KIF13A: variants seen among roughly 807,000 people sequenced by gnomAD.
The protein encoded by KIF13A is kinesin family member 13A.
In KIF13A, 79 loss-of-function variants were observed where a neutral mutation model predicts 212.2. The observed-to-expected ratio is 0.37, with a 90% CI of 0.31 to 0.45. The LOEUF (loss-of-function observed/expected upper bound fraction) is 0.45. Among genes scored for constraint, KIF13A ranks in the 20% least tolerant of loss-of-function variants. The pLI is 1.00. For missense variants in KIF13A, 1,901 were observed against 2,209.0 expected (o/e 0.86, Z 2.79); for synonymous variants, 789 against 808.6 (o/e 0.98, Z 0.41).
intron 2 of KIF13A, among the ~76,000 whole-genome samples, chr6:17,908,621 G>A (rs1219241714): frequency 6.6e-6 from 1 of 151,174 alleles, no homozygotes; most frequent in Admixed American, 6.6e-5. Context: ...AAATTAAAAT[G>A]AACTCAAAAT....
chr6:17,779,982 G>A (rs1040474781), intron 31 of KIF13A, among the ~76,000 whole-genome samples: 4 of 151,172 alleles, frequency 2.6e-5, no homozygotes, highest in Admixed American at 1.3e-4. Flanking sequence ...TCCTGACCTC[G>A]TGATCCGCCC....
rs766660123 is a variant in KIF13A, at chr6:17,764,438, C to A, written c.5090G>T (p.Gly1697Val). The A allele has an allele frequency of 4.3e-6, 7 of 1,613,868 alleles. No homozygotes were observed. In the South Asian group the frequency reaches 6.6e-5, roughly 15 times the overall value. The change falls in exon 39 of 39, where the codon GGC becomes GTC. Residue 1697 changes from glycine to valine, a missense_variant. Gly to Val is a moderately radical substitution (Grantham distance 109). This residue lies in a region of KIF13A where 687 missense variants were observed against 759.1 expected (regional missense o/e 0.90). Coordinates refer to ENST00000259711, the MANE Select transcript of KIF13A (RefSeq NM_022113.6). This position sits in a 1 kb window ranked among gnomAD's most constrained non-coding sequence, Gnocchi z 5.1. ...GCAGGCATCTAGTTCTGAACATGAG[C>A]CAGTCCTGCACAGTGATTTGGAGTT... is the stretch of plus-strand genomic sequence containing the variant. ...EKNSKSLCRT[G>V]SCSELDACPS... is the part of the protein sequence containing the mutation.
chr6:17,983,946 C>G (rs955789957), intron 2 of KIF13A, among the ~76,000 whole-genome samples: 3 of 152,176 alleles, frequency 2.0e-5, no homozygotes, highest in Non-Finnish European at 4.4e-5. Context: ...TCCATAAGAC[C>G]ACACAAACAC....
intron 2 of KIF13A, among the ~76,000 whole-genome samples, chr6:17,948,557 C>CTTTTTTTTTTTTTTTTTTTTTTTTTTT (rs71002289): frequency 1.2e-5 from 1 of 84,148 alleles, no homozygotes; most frequent in Non-Finnish European, 2.1e-5. Flanking sequence ...CATCCATTTA[C>CTTTTTTTTTTTTTTTTTTTTTTTTTTT]TTTTTTTTTT....
intron 2 of KIF13A, among the ~76,000 whole-genome samples, chr6:17,975,459 C>T (rs971884297): frequency 6.6e-6 from 1 of 152,128 alleles, no homozygotes; most frequent in African/African-American, 2.4e-5. Context: ...AGTGAAGCTA[C>T]AGACCTTCAG....
At chr6:17,964,220 A>G (rs1779103529) in intron 2 of KIF13A, among the ~76,000 whole-genome samples, 1 of 152,180 alleles carries the variant, frequency 6.6e-6, no homozygotes, top group African/African-American at 2.4e-5. Flanking sequence ...CAGCTCCATC[A>G]ACTCTCTTCC....
intron 16 of KIF13A, among the ~76,000 whole-genome samples, chr6:17,818,919 T>C (rs1005629776): frequency 1.3e-5 from 2 of 152,162 alleles, no homozygotes; most frequent in African/African-American, 2.4e-5. Context: ...TGATATAAAA[T>C]TCTAAAATTC....
chr6:17,977,730 C>T (rs192713421), intron 2 of KIF13A, among the ~76,000 whole-genome samples: 3 of 152,246 alleles, frequency 2.0e-5, no homozygotes, highest in Admixed American at 1.3e-4. Context: ...ACTTTAAGTT[C>T]TAGGATACAT....
rs1776282691 is a variant in KIF13A, at chr6:17,934,466, A to G, written c.147-36286T>C. 6.6e-6 allele frequency among the ~76,000 whole-genome samples: 1 copy of G among 152,150 alleles called. No homozygotes were observed. Among genetic ancestry groups the G allele is most frequent in the East Asian group, 1.9e-4 (1 of 5,196 alleles). On this transcript the variant is annotated intron_variant, in intron 2 of 38. Transcript: ENST00000259711. This position sits in a 1 kb window ranked among gnomAD's most constrained non-coding sequence, Gnocchi z 5.4. ...CAGGTAGTATTCTAAAATCATAAAT[A>G]CAGAATCCCCAATAATATCATAATA...
At chr6:17,880,560 G>A (rs944825477) in intron 3 of KIF13A, among the ~76,000 whole-genome samples, 25 of 150,820 alleles carry the variant, frequency 1.7e-4, no homozygotes, top group Non-Finnish European at 5.9e-5. Flanking sequence ...CCCAGGAGGC[G>A]GAGGTTGCAG....
intron 17 of KIF13A, among the ~76,000 whole-genome samples, chr6:17,813,962 T>C (rs1763673730): frequency 6.8e-6 from 1 of 147,574 alleles, no homozygotes. Context: ...TTTTTTTTTT[T>C]TTTTTTTTGA....
Position 17,845,150 on chromosome 6 carries a change from T to G in KIF13A, c.830+4227A>C, listed in dbSNP as rs116468529. 4.0e-3 allele frequency among the ~76,000 whole-genome samples: 602 copies of G among 152,214 alleles called. 7 individuals carry two copies. Among genetic ancestry groups the G allele is most frequent in the African/African-American group, 0.013 (554 of 41,532 alleles). On this transcript the variant is annotated intron_variant, in intron 9 of 38. Transcript: ENST00000259711. The stretch of plus-strand genomic sequence containing the variant: ...GGAACCAAGGAAAAGGGATTTCCCC[T>G]TATAAAACCATCGGATCTCGTGAGA...
intron 2 of KIF13A, among the ~76,000 whole-genome samples, chr6:17,956,400 T>C (rs1027427285): frequency 1.2e-4 from 19 of 152,326 alleles, no homozygotes; most frequent in African/African-American, 4.6e-4. Context: ...TGCCACCTGT[T>C]TGTGGTCCTC....
chr6:17,955,972 C>A (rs781580315), intron 2 of KIF13A, among the ~76,000 whole-genome samples: 1 of 152,162 alleles, frequency 6.6e-6, no homozygotes, highest in Non-Finnish European at 1.5e-5. Flanking sequence ...GAAAAGACTG[C>A]CATATTTTCC....
chr6:17,903,405 G>A (rs1773219901), intron 2 of KIF13A, among the ~76,000 whole-genome samples: 1 of 152,164 alleles, frequency 6.6e-6, no homozygotes, highest in Non-Finnish European at 1.5e-5. Flanking sequence ...AGGATGCAAT[G>A]GGATTTCCAT....
chr6:17,779,301 C>T (rs191061206), intron 32 of KIF13A, among the ~76,000 whole-genome samples: 3,174 of 114,490 alleles, frequency 0.028, 60 homozygotes, highest in Non-Finnish European at 0.044. Flanking sequence ...GACAGAGTTT[C>T]GCTCTTGTTG....
At chr6:17,780,364 G>A (rs908845536) in intron 31 of KIF13A, among the ~76,000 whole-genome samples, 22 of 152,232 alleles carry the variant, frequency 1.4e-4, no homozygotes, top group Non-Finnish European at 3.2e-4. Flanking sequence ...ATCCGTCAAA[G>A]CAGTAGGATA....
intron 4 of KIF13A, among the ~76,000 whole-genome samples, chr6:17,859,947 A>G (rs1451140612): frequency 2.6e-5 from 4 of 152,012 alleles, no homozygotes; most frequent in Non-Finnish European, 5.9e-5. Flanking sequence ...ATACCCAGGT[A>G]GAGTAGGTAT....
At chr6:17,957,812 T>C (rs1408641532) in intron 2 of KIF13A, among the ~76,000 whole-genome samples, 2 of 152,238 alleles carry the variant, frequency 1.3e-5, no homozygotes, top group East Asian at 1.9e-4. Flanking sequence ...TTGAGTTTTC[T>C]GCAAAACACA....
Sources: allele counts gnomAD v4.1 joint callset (sites outside exome capture counted in the v4.1 genomes callset), GRCh38; gene constraint gnomAD v4.1.1; regional missense constraint gnomAD v4.1.1; non-coding constraint Gnocchi (gnomAD v3.1); transcripts MANE v1.5; gene names NCBI Gene and HGNC (gene_info 2026-07-23, HGNC 2026-07-21).